Variants in SCTR observed in about 807,000 individuals in gnomAD.
SCTR encodes the protein secretin receptor.
In SCTR, 56 loss-of-function variants were observed where a neutral mutation model predicts 60.8. That is an observed-to-expected ratio of 0.92 (90% CI 0.74 to 1.15). The LOEUF is 1.15. Ranked by LOEUF, SCTR falls within the 50% of genes most tolerant of loss-of-function variation. SCTR has a pLI of 0.00. For missense variants in SCTR, 562 were observed against 550.4 expected (o/e 1.02, Z -0.21); for synonymous variants, 202 against 217.0 (o/e 0.93, Z 0.61).
chr2:119,486,745 A>G (rs1244352587), intron 2 of SCTR: 1 of 152,198 alleles, frequency 6.6e-6, no homozygotes, highest in Non-Finnish European at 1.5e-5. Flanking sequence ...CTTATTGCAC[A>G]GTTGTTTTAA....
intron 1 of SCTR, among the ~76,000 whole-genome samples, chr2:119,506,138 A>T (rs1023796869): frequency 6.6e-6 from 1 of 152,238 alleles, no homozygotes; most frequent in Admixed American, 6.5e-5. Flanking sequence ...TAAACATGCA[A>T]CTACGACAGT....
intron 1 of SCTR, among the ~76,000 whole-genome samples, chr2:119,507,826 C>CA (rs1357392682): frequency 1.3e-5 from 2 of 151,722 alleles, no homozygotes; most frequent in East Asian, 3.9e-4. Flanking sequence ...TTACAGGCAC[C>CA]AGCCACCACG....
intron 1 of SCTR, among the ~76,000 whole-genome samples, chr2:119,495,848 A>G (rs77314023): frequency 1.3e-5 from 2 of 152,230 alleles, no homozygotes; most frequent in Admixed American, 6.5e-5. Flanking sequence ...GCTGTTGCAG[A>G]AACACCTGGG....
At chr2:119,506,416 A>G (rs1241724871) in intron 1 of SCTR, among the ~76,000 whole-genome samples, 1 of 152,182 alleles carries the variant, frequency 6.6e-6, no homozygotes, top group Non-Finnish European at 1.5e-5. Context: ...AAGAAATTAC[A>G]TACTATATTA....
intron 1 of SCTR, among the ~76,000 whole-genome samples, chr2:119,496,771 T>A (rs551202167): frequency 6.6e-6 from 1 of 152,106 alleles, no homozygotes; most frequent in South Asian, 2.1e-4. Context: ...ACAGAAAACT[T>A]TTAGCCAATA....
Position 119,471,364 on chromosome 2 carries a change from C to T in SCTR, c.405+2089G>A, listed in dbSNP as rs1277359437. ...CTCTGCAGAAGGCAGAGCCCACTCA[C>T]CATCCCTCCAAGACCACGAGTGCTC... On this transcript the variant is annotated intron_variant, in intron 4 of 12. Transcript: ENST00000019103. 2.6e-5 allele frequency among the ~76,000 whole-genome samples: 4 copies of T among 152,208 alleles called. 1 individual carries two copies. Among genetic ancestry groups the T allele is most frequent in the Non-Finnish European group, 5.9e-5 (4 of 68,030 alleles).
intron 2 of SCTR, among the ~76,000 whole-genome samples, chr2:119,493,799 G>A (rs938766541): frequency 2.6e-5 from 4 of 151,938 alleles, no homozygotes; most frequent in Non-Finnish European, 4.4e-5. Context: ...GCGCCACCAC[G>A]CCCGGCTAAT....
chr2:119,524,127 C>T (rs1171854830), intron 1 of SCTR, 28 bp downstream of exon 1: 2 of 1,537,596 alleles, frequency 1.3e-6, no homozygotes, highest in Non-Finnish European at 1.8e-6. Flanking sequence ...CCTCGGGTCC[C>T]CAGCCTGCAG....
intron 1 of SCTR, among the ~76,000 whole-genome samples, chr2:119,496,107 AT>A (rs1442338859): frequency 6.6e-6 from 1 of 152,166 alleles, no homozygotes; most frequent in Non-Finnish European, 1.5e-5. Flanking sequence ...GCCGAAGCCC[AT>A]AGTCTCTGGC....
chr2:119,519,721 G>A (rs1310166029), intron 1 of SCTR, among the ~76,000 whole-genome samples: 3 of 146,270 alleles, frequency 2.1e-5, no homozygotes, highest in Non-Finnish European at 3.0e-5. Flanking sequence ...CAGGAGAATC[G>A]CTTGAACCTG....
At chr2:119,485,154 A>G (rs899098969) in intron 2 of SCTR, among the ~76,000 whole-genome samples, 3 of 152,240 alleles carry the variant, frequency 2.0e-5, no homozygotes, top group Non-Finnish European at 4.4e-5. Flanking sequence ...ATCTCTAGCC[A>G]CCTGGGAAAA....
chr2:119,489,550 G>A (rs1421474086), intron 2 of SCTR, among the ~76,000 whole-genome samples: 2 of 152,190 alleles, frequency 1.3e-5, no homozygotes, highest in East Asian at 1.9e-4. Context: ...GTGCAGAGGT[G>A]CGAGACGAGA....
rs1439152422 is a variant in SCTR at position 119,461,867 on chromosome 2, C to A, written c.770G>T (p.Gly257Val). The A allele has an allele frequency of 4.3e-6, 7 of 1,613,688 alleles. No homozygotes were observed. Among genetic ancestry groups the A allele is most frequent in the Admixed American group, 1.7e-5 (1 of 59,986 alleles). Residue 257 changes from glycine to valine, a missense_variant, in exon 7 of 13, where the codon GGA becomes GTA. Transcript: ENST00000019103. Reference sequence around the variant, plus strand: ...CATACCCCATCCGAATGCCACAAATCCCTGGAGGTACTTTCTTTCAGAGAA... The same window carrying A: ...CATACCCCATCCGAATGCCACAAATACCTGGAGGTACTTTCTTTCAGAGAA... ...SFFSERKYLQ[G>V]FVAFGWGSPA...
intron 1 of SCTR, among the ~76,000 whole-genome samples, chr2:119,514,137 C>A (rs2579611): frequency 0.054 from 8,207 of 152,232 alleles, 338 homozygotes; most frequent in African/African-American, 0.1. Flanking sequence ...CCATCTCTTT[C>A]TTTGGGTTAT....
chr2:119,481,911 G>A (rs951637144), intron 2 of SCTR, among the ~76,000 whole-genome samples: 3 of 152,214 alleles, frequency 2.0e-5, no homozygotes, highest in Non-Finnish European at 4.4e-5. Context: ...CAGCTCTGGT[G>A]CTGTGCTGAT....
chr2:119,492,717 GTTCC>G (rs2104895990), intron 2 of SCTR, among the ~76,000 whole-genome samples: 1 of 152,162 alleles, frequency 6.6e-6, no homozygotes, highest in East Asian at 1.9e-4. Context: ...ACTTCCCATT[GTTCC>G]TTCCTTCAGC....
intron 1 of SCTR, among the ~76,000 whole-genome samples, chr2:119,508,383 CTTTTTTTTT>C (rs34070844): frequency 6.5e-5 from 5 of 77,406 alleles, no homozygotes; most frequent in African/African-American, 2.7e-4. Context: ...TCTTCTTCTT[CTTTTTTTTT>C]TTTTTTTTTT....
At chr2:119,489,324 A>G (rs1230949203) in intron 2 of SCTR, among the ~76,000 whole-genome samples, 1 of 150,178 alleles carries the variant, frequency 6.7e-6, no homozygotes, top group Non-Finnish European at 1.5e-5. Context: ...CTCATCTCCC[A>G]CTCTCTCCTT....
At chr2:119,492,459 A>G (rs1482958713) in intron 2 of SCTR, among the ~76,000 whole-genome samples, 1 of 152,206 alleles carries the variant, frequency 6.6e-6, no homozygotes, top group Non-Finnish European at 1.5e-5. Context: ...AGATGTCAAA[A>G]CTGAGGCCTT....
Sources: gnomAD v4.1 joint callset for allele counts (sites outside exome capture counted in the v4.1 genomes callset) on GRCh38, gnomAD v4.1.1 for gene constraint, MANE v1.5 for transcripts, NCBI Gene and HGNC (gene_info 2026-07-23, HGNC 2026-07-21) for gene names.